GALNTL6: variants seen among roughly 807,000 people sequenced by gnomAD.
GALNTL6 encodes polypeptide N-acetylgalactosaminyltransferase like 6.
In GALNTL6, 46 loss-of-function variants were observed where a neutral mutation model predicts 73.7. That is an observed-to-expected ratio of 0.62 (90% confidence interval 0.49 to 0.80). The LOEUF (loss-of-function observed/expected upper bound fraction) is 0.80. GALNTL6 is among the 30% of genes least tolerant of loss of function. GALNTL6 has a pLI of 0.00. For synonymous variants in GALNTL6, 259 were observed against 263.7 expected (o/e 0.98, Z 0.17); for missense variants, 604 against 755.0 (o/e 0.80, Z 2.34).
intron 5 of GALNTL6, among the ~76,000 whole-genome samples, chr4:172,497,965 A>G (rs539001086): frequency 6.6e-6 from 1 of 151,680 alleles, no homozygotes; most frequent in South Asian, 2.1e-4. Flanking sequence ...TATCAAGAGT[A>G]ACAGACTTTG....
At chr4:172,604,463 G>C (rs1332178633) in intron 5 of GALNTL6, among the ~76,000 whole-genome samples, 1 of 152,080 alleles carries the variant, frequency 6.6e-6, no homozygotes, top group Non-Finnish European at 1.5e-5. Flanking sequence ...AATCTCAAAA[G>C]ACTTTAAGCA....
intron 5 of GALNTL6, among the ~76,000 whole-genome samples, chr4:172,423,897 G>A (rs1404726879): frequency 6.6e-6 from 1 of 152,012 alleles, no homozygotes; most frequent in African/African-American, 2.4e-5. Flanking sequence ...CAAAACTATA[G>A]TAAGCAAGAT....
At chr4:172,153,826 G>A (rs1311338371) in intron 2 of GALNTL6, among the ~76,000 whole-genome samples, 2 of 152,130 alleles carry the variant, frequency 1.3e-5, no homozygotes, top group African/African-American at 4.8e-5. Flanking sequence ...CATGACCTAG[G>A]AATTAAACCT....
At chr4:171,825,425 A>G (rs754941087) in intron 2 of GALNTL6, among the ~76,000 whole-genome samples, 5 of 152,126 alleles carry the variant, frequency 3.3e-5, no homozygotes, top group Admixed American at 6.6e-5. Context: ...GAATTTTACC[A>G]TTTTTCAGAT....
intron 5 of GALNTL6, among the ~76,000 whole-genome samples, chr4:172,568,757 C>CAAA (rs71592082): frequency 0.45 from 30,087 of 66,634 alleles, 7,982 homozygotes; most frequent in East Asian, 0.61. Context: ...GACTCCATCT[C>CAAA]AAAAAAAAAA....
At chr4:172,429,223 A>ATTTTATTTTC (rs1561079066) in intron 5 of GALNTL6, among the ~76,000 whole-genome samples, 1 of 147,158 alleles carries the variant, frequency 6.8e-6, no homozygotes, top group Non-Finnish European at 1.5e-5. Flanking sequence ...ATTTTATTTT[A>ATTTTATTTTC]TTTTTTGAGA....
Position 172,813,547 on chromosome 4 carries a change from T to G in GALNTL6, c.747T>G (p.Ile249Met). The change falls in exon 7 of 13, where the codon ATT (isoleucine) becomes ATG (methionine). Residue 249 changes from isoleucine (I) to methionine (M), a missense_variant. By Grantham distance (10) the Ile-to-Met change is conservative. Around this residue, in one of 5 missense-constraint regions of GALNTL6, gnomAD observed 179 missense variants for 230.8 expected, o/e 0.78. Coordinates refer to ENST00000506823, the MANE Select transcript of GALNTL6 (RefSeq NM_001034845.3). ...VNWLPPLLNQ[I>M]ALNHKTIVCP... ...TGTGCTTTCATTTTTCAGACCAAAT[T>G]GCACTAAACCACAAAACCATCGTGT... 6.3e-7 allele frequency: 1 copy of G among 1,596,384 alleles called. No individual in the cohort carries two copies. The highest frequency in any genetic ancestry group is 2.3e-5 in the East Asian group (1 of 44,392).
At chr4:172,472,966 A>C (rs1415440328) in intron 5 of GALNTL6, among the ~76,000 whole-genome samples, 1 of 152,190 alleles carries the variant, frequency 6.6e-6, no homozygotes, top group Admixed American at 6.5e-5. Flanking sequence ...GCCATGATTT[A>C]GTAAGTGGCA....
At position 171,986,415 on chromosome 4, in the gene GALNTL6, G is replaced by A. The variant is rs528703719; in HGVS notation, c.138+171697G>A. Among the ~76,000 whole-genome samples, 11 of 152,246 alleles carry A rather than the reference G, an allele frequency of 7.2e-5. No individual in the cohort carries two copies. In the South Asian group the frequency reaches 2.1e-3, roughly 29 times the overall value. On this transcript the variant is annotated intron_variant, in intron 2 of 12. Transcript: ENST00000506823. ...AGGAACCCGCCATCTGGATGTGTAC[G>A]TGCAGGTCACAGGGGATATGATGGC...
At chr4:172,219,019 G>A (rs895518359) in intron 2 of GALNTL6, among the ~76,000 whole-genome samples, 1 of 150,546 alleles carries the variant, frequency 6.6e-6, no homozygotes, top group African/African-American at 2.4e-5. Flanking sequence ...AACAAATTGA[G>A]ACCAGAATTT....
chr4:172,568,813 C>T lies in GALNTL6; in HGVS notation c.553+220124C>T, dbSNP rs114270314. On this transcript the variant is annotated intron_variant, in intron 5 of 12. Transcript: ENST00000506823. ...GATGAACATCTACGTCAAGCTTGTC[C>T]AACCCATGACCTGTGGGCCACATGC... Among the ~76,000 whole-genome samples the T allele has an allele frequency of 9.0e-3, 1,343 of 149,996 alleles. 15 individuals are homozygous for T. Among genetic ancestry groups the T allele is most frequent in the Non-Finnish European group, 0.015 (1,020 of 67,668 alleles).
chr4:172,743,797 A>G (rs1736939814), intron 5 of GALNTL6, among the ~76,000 whole-genome samples: 1 of 152,156 alleles, frequency 6.6e-6, no homozygotes, highest in Admixed American at 6.6e-5. Context: ...CCAGATAAAT[A>G]ACTGTATATC....
chr4:172,173,958 G>A lies in GALNTL6; in HGVS notation c.139-55698G>A, dbSNP rs1268053182. 1.3e-5 allele frequency among the ~76,000 whole-genome samples: 2 copies of A among 151,436 alleles called. 1 individual carries two copies. Among genetic ancestry groups the A allele is most frequent in the East Asian group, 3.9e-4 (2 of 5,182 alleles). On this transcript the variant is annotated intron_variant, in intron 2 of 12. Transcript: ENST00000506823. ...GGTGCCAGTGGAGAGGAGGTGAAAAGATAGTCAGGGACTTGTATTTGGATT... is the reference window on the plus strand; with the variant it reads ...GGTGCCAGTGGAGAGGAGGTGAAAAAATAGTCAGGGACTTGTATTTGGATT...
At chr4:172,952,592 T>G (rs1749513010) in intron 10 of GALNTL6, among the ~76,000 whole-genome samples, 1 of 151,982 alleles carries the variant, frequency 6.6e-6, no homozygotes, top group Non-Finnish European at 1.5e-5. Flanking sequence ...CTTGGCTCAC[T>G]GCAACCTCCA....
At chr4:171,942,405 T>G (rs191642035) in intron 2 of GALNTL6, among the ~76,000 whole-genome samples, 2 of 152,170 alleles carry the variant, frequency 1.3e-5, no homozygotes, top group Admixed American at 1.3e-4. Context: ...TTTCTTATTT[T>G]GATTTTACTT....
rs964718752 is a variant in GALNTL6 at position 172,005,758 on chromosome 4, T to A, written c.138+191040T>A. 5.5e-4 allele frequency among the ~76,000 whole-genome samples: 83 copies of A among 152,220 alleles called. 1 individual carries two copies. Among genetic ancestry groups the A allele is most frequent in the Non-Finnish European group, 5.9e-5 (4 of 68,032 alleles). ...CAGGAATTTTAAACTGTGGGATTAC[T>A]GCATGTGATTACCATGGAGAGGGGA... On this transcript the variant is annotated intron_variant, in intron 2 of 12. Transcript: ENST00000506823.
chr4:172,178,363 GCA>G (rs1735114613), intron 2 of GALNTL6, among the ~76,000 whole-genome samples: 1 of 152,012 alleles, frequency 6.6e-6, no homozygotes, highest in Non-Finnish European at 1.5e-5. Context: ...GTGGTTTGCT[GCA>G]CCCATCAACC....
intron 3 of GALNTL6, among the ~76,000 whole-genome samples, chr4:172,273,627 G>A (rs912324521): frequency 8.5e-5 from 13 of 152,116 alleles, no homozygotes; most frequent in Non-Finnish European, 1.9e-4. Context: ...TCAACAGATA[G>A]GTAGAGTTAG....
chr4:173,022,122 GGAAGGAAA>G (rs1753035217), intron 12 of GALNTL6, among the ~76,000 whole-genome samples: 1 of 139,400 alleles, frequency 7.2e-6, no homozygotes, highest in African/African-American at 2.7e-5. Flanking sequence ...AAGGAAGGAA[GGAAGGAAA>G]GAAGGAAGGA....
Sources: allele counts gnomAD v4.1 joint callset (sites outside exome capture counted in the v4.1 genomes callset), GRCh38; gene constraint gnomAD v4.1.1; regional missense constraint gnomAD v4.1.1; transcripts MANE v1.5; gene names NCBI Gene and HGNC (gene_info 2026-07-23, HGNC 2026-07-21).